Variants in CACNA2D3 observed in about 807,000 individuals in gnomAD.
CACNA2D3 encodes calcium voltage-gated channel auxiliary subunit alpha2delta 3.
CACNA2D3 carries 60 observed loss-of-function variants against 160.6 expected under a neutral mutation model. The observed-to-expected ratio is 0.37, with a 90% CI of 0.30 to 0.46. The LOEUF is 0.46. CACNA2D3 is among the 20% of genes least tolerant of loss of function. The pLI, the probability that CACNA2D3 is intolerant of heterozygous loss-of-function variation, is 1.00. For synonymous variants in CACNA2D3, 558 were observed against 492.9 expected (o/e 1.13, Z -1.75); for missense variants, 1,205 against 1,365.0 (o/e 0.88, Z 1.85).
At chr3:54,631,203 A>C (rs372395296) in intron 10 of CACNA2D3, among the ~76,000 whole-genome samples, 21 of 145,774 alleles carry the variant, frequency 1.4e-4, no homozygotes, top group Non-Finnish European at 2.7e-4. Context: ...GACTCCATCA[A>C]ACACACACAC....
intron 9 of CACNA2D3, among the ~76,000 whole-genome samples, chr3:54,616,276 A>G (rs905077842): frequency 2.0e-5 from 3 of 152,152 alleles, no homozygotes; most frequent in Admixed American, 2.0e-4. Flanking sequence ...TGGAAGATCC[A>G]TGTCTAAGCT....
intron 3 of CACNA2D3, among the ~76,000 whole-genome samples, chr3:54,344,944 C>T (rs578008448): frequency 4.6e-5 from 7 of 152,290 alleles, no homozygotes; most frequent in African/African-American, 7.2e-5. Flanking sequence ...AAAATGGCCA[C>T]GGGAGTGACC....
intron 4 of CACNA2D3, among the ~76,000 whole-genome samples, chr3:54,405,288 A>G (rs1286554551): frequency 2.6e-5 from 4 of 151,292 alleles, no homozygotes; most frequent in Non-Finnish European, 5.9e-5. Flanking sequence ...AAAAAAAAAA[A>G]AAAGTTGGAG....
intron 28 of CACNA2D3, among the ~76,000 whole-genome samples, 160 bp downstream of exon 28, chr3:54,968,671 G>A (rs1011285595): frequency 1.3e-5 from 2 of 152,146 alleles, no homozygotes; most frequent in African/African-American, 4.8e-5. Flanking sequence ...CAAAATAAAG[G>A]GCTGTCAGCA....
chr3:54,133,545 G>A (rs997641183), intron 2 of CACNA2D3, among the ~76,000 whole-genome samples: 4 of 152,170 alleles, frequency 2.6e-5, no homozygotes, highest in Non-Finnish European at 4.4e-5. Context: ...AATTGTCCCC[G>A]GTGGAATTCT....
Position 55,025,098 on chromosome 3 carries a change from C to A in CACNA2D3, c.2987+6781C>A, listed in dbSNP as rs1268216609. On this transcript the variant is annotated intron_variant, in intron 35 of 37. Coordinates refer to ENST00000474759, the MANE Select transcript of CACNA2D3 (RefSeq NM_018398.3). ...GCGAGTTAGGGTTCTTATTTCTATT[C>A]TAAGTGAGAAAACCAATAGAACTAA... 2.0e-5 allele frequency among the ~76,000 whole-genome samples: 3 copies of A among 152,264 alleles called. No homozygotes were observed. In the South Asian group the frequency reaches 6.2e-4, roughly 32 times the overall value.
intron 11 of CACNA2D3, among the ~76,000 whole-genome samples, chr3:54,694,501 T>C (rs538633897): frequency 6.6e-6 from 1 of 152,248 alleles, no homozygotes; most frequent in Non-Finnish European, 1.5e-5. Context: ...TGCCTTGGAC[T>C]GGTGAAGGTA....
In CACNA2D3 at chr3:54,564,611, A is replaced by G. The variant is rs1411526780; in HGVS notation, c.676+1680A>G. On this transcript the variant is annotated intron_variant, in intron 6 of 37. Coordinates refer to ENST00000474759, the MANE Select transcript of CACNA2D3 (RefSeq NM_018398.3). ...TTTTCTTTTCAGGATGCCTCTTTCC[A>G]TTGTTAGAGTGGTGTGAATCAGTGG... Among the ~76,000 whole-genome samples, 2 of 152,130 alleles carry G rather than the reference A, an allele frequency of 1.3e-5. 1 individual carries two copies. The highest frequency in any genetic ancestry group is 6.3e-3 in the Middle Eastern group (2 of 316).
chr3:54,812,451 G>T (rs1400923586), intron 13 of CACNA2D3, among the ~76,000 whole-genome samples: 1 of 152,216 alleles, frequency 6.6e-6, no homozygotes, highest in African/African-American at 2.4e-5. Flanking sequence ...GGGGTCTTAG[G>T]AAGAGCTCCA....
rs146576100 is a variant in CACNA2D3 at position 55,040,130 on chromosome 3, T to C, written c.2987+21813T>C. On this transcript the variant is annotated intron_variant, in intron 35 of 37. Transcript: ENST00000474759. ...GCCTTCTTGCTGTATCCTCACGTGA[T>C]AGATGGAGCAGGTTCGTCTCTGGTT... is the stretch of plus-strand genomic sequence containing the variant. Among the ~76,000 whole-genome samples the C allele has an allele frequency of 3.5e-3, 534 of 152,258 alleles. 3 individuals carry two copies. Among genetic ancestry groups the C allele is most frequent in the African/African-American group, 0.012 (512 of 41,556 alleles).
chr3:54,730,533 C>T (rs147162200), intron 11 of CACNA2D3, among the ~76,000 whole-genome samples: 2,038 of 152,172 alleles, frequency 0.013, 114 homozygotes, highest in Admixed American at 0.1. Context: ...GATGGAGTCT[C>T]GCTCTGTCGC....
intron 31 of CACNA2D3, among the ~76,000 whole-genome samples, chr3:54,988,597 TTCC>T (rs1298118238): frequency 6.6e-6 from 1 of 152,218 alleles, no homozygotes; most frequent in Non-Finnish European, 1.5e-5. Context: ...GCCCTCCAGC[TTCC>T]CTGAGAGATC....
intron 18 of CACNA2D3, among the ~76,000 whole-genome samples, chr3:54,873,679 G>A (rs1699594014): frequency 5.9e-5 from 9 of 152,146 alleles, no homozygotes; most frequent in Admixed American, 5.9e-4. Flanking sequence ...TTCAGAGTTG[G>A]ACATCTCAAG....
At chr3:54,761,389 G>T (rs572884259) in intron 12 of CACNA2D3, among the ~76,000 whole-genome samples, 1 of 152,290 alleles carries the variant, frequency 6.6e-6, no homozygotes, top group Non-Finnish European at 1.5e-5. Flanking sequence ...ACCCCTTAAC[G>T]CAGAGCCCAA....
chr3:54,392,112 T>C (rs986347161), intron 4 of CACNA2D3, among the ~76,000 whole-genome samples: 3 of 152,232 alleles, frequency 2.0e-5, no homozygotes, highest in African/African-American at 7.2e-5. Context: ...TGTAATTATT[T>C]TAGTGTTTCA....
At chr3:54,807,718 G>T (rs540773990) in intron 13 of CACNA2D3, among the ~76,000 whole-genome samples, 32 of 151,914 alleles carry the variant, frequency 2.1e-4, no homozygotes, top group African/African-American at 7.7e-4. Context: ...TATACCCAAA[G>T]GACTATAAAT....
At chr3:54,299,737 C>G (rs1357020536) in intron 2 of CACNA2D3, among the ~76,000 whole-genome samples, 1 of 151,978 alleles carries the variant, frequency 6.6e-6, no homozygotes, top group African/African-American at 2.4e-5. Context: ...AAAAGCGTCC[C>G]CCGGGGAAAA....
intron 27 of CACNA2D3, among the ~76,000 whole-genome samples, chr3:54,915,636 T>C (rs1163653204): frequency 6.6e-6 from 1 of 152,242 alleles, no homozygotes; most frequent in African/African-American, 2.4e-5. Context: ...GGGTCTTTCA[T>C]CTGCAATGTT....
intron 4 of CACNA2D3, among the ~76,000 whole-genome samples, chr3:54,470,036 A>G (rs116074521): frequency 0.047 from 7,167 of 152,324 alleles, 234 homozygotes; most frequent in Middle Eastern, 0.075. Context: ...AATTTCCCCA[A>G]TCTAGCAAGA....
Sources: gnomAD v4.1 joint callset for allele counts (sites outside exome capture counted in the v4.1 genomes callset) on GRCh38, gnomAD v4.1.1 for gene constraint, MANE v1.5 for transcripts, NCBI Gene and HGNC (gene_info 2026-07-23, HGNC 2026-07-21) for gene names.